Variants in GPHN observed in about 807,000 individuals in gnomAD.
The protein encoded by GPHN is gephyrin.
In GPHN, 17 loss-of-function variants were observed where a neutral mutation model predicts 95.5. The observed-to-expected ratio is 0.18, with a 90% CI of 0.12 to 0.27. The LOEUF is 0.27. Among genes scored for constraint, GPHN ranks in the 10% least tolerant of loss-of-function variants. The pLI, the probability that GPHN is intolerant of heterozygous loss-of-function variation, is 1.00. For synonymous variants in GPHN, 320 were observed against 322.5 expected, an observed-to-expected ratio of 0.99 and a Z score of 0.08; for missense variants, 660 against 978.1, an observed-to-expected ratio of 0.67 and a Z score of 4.34.
chr14:67,619,975 A>G, the GPHN span: 1 of 1,587,936 alleles, frequency 6.3e-7, no homozygotes, highest in South Asian at 1.1e-5. Flanking sequence ...AGTGCTGCGG[A>G]TCATGTCCCT....
At chr14:66,600,515 C>T (rs531211486) in intron 1 of GPHN, among the ~76,000 whole-genome samples, 57 of 151,988 alleles carry the variant, frequency 3.8e-4, no homozygotes, top group Non-Finnish European at 7.4e-4. Flanking sequence ...CCTATCAATA[C>T]GTAACTTTTA....
chr14:66,808,808 A>C (rs1238858177), intron 3 of GPHN, among the ~76,000 whole-genome samples: 1 of 152,206 alleles, frequency 6.6e-6, no homozygotes, highest in Non-Finnish European at 1.5e-5. Context: ...AAAAATATGT[A>C]TATATTTTAG....
chr14:67,654,230 A>G, the GPHN span, among the ~76,000 whole-genome samples: 4 of 152,184 alleles, frequency 2.6e-5, no homozygotes, highest in Non-Finnish European at 4.4e-5. Flanking sequence ...CATGTCCCCA[A>G]GTAGCTGGGA....
the GPHN span, chr14:67,581,169 A>G: frequency 1.6e-6 from 1 of 639,516 alleles, no homozygotes; most frequent in Non-Finnish European, 2.8e-6. Flanking sequence ...CCTGGCAGTC[A>G]CTAGCTGGGG....
chr14:66,777,331 G>A (rs1286775411), intron 3 of GPHN, among the ~76,000 whole-genome samples: 1 of 152,238 alleles, frequency 6.6e-6, no homozygotes, highest in African/African-American at 2.4e-5. Context: ...GCAATAATCA[G>A]TAGCCTACCA....
At chr14:67,303,991 C>T in the GPHN span, 8 of 166,600 alleles carry the variant, frequency 4.8e-5, no homozygotes, top group East Asian at 1.7e-4. Flanking sequence ...TGATCTTGAA[C>T]GCCTGGCTTC....
intron 3 of GPHN, among the ~76,000 whole-genome samples, chr14:66,822,784 A>T (rs572243028): frequency 9.9e-5 from 15 of 152,162 alleles, no homozygotes; most frequent in Non-Finnish European, 1.8e-4. Context: ...TATTTTGTTG[A>T]TGCAACTTGG....
intron 12 of GPHN, among the ~76,000 whole-genome samples, chr14:67,096,258 A>G (rs564045192): frequency 5.4e-4 from 82 of 152,276 alleles, no homozygotes; most frequent in African/African-American, 1.9e-3. Flanking sequence ...CAATTGGTAT[A>G]CTTTCCCTGA....
intron 3 of GPHN, among the ~76,000 whole-genome samples, chr14:66,790,752 C>G (rs996826826): frequency 2.6e-5 from 4 of 152,200 alleles, no homozygotes; most frequent in African/African-American, 9.6e-5. Context: ...AGAGAAAGTC[C>G]CACCCATTGC....
intron 1 of GPHN, among the ~76,000 whole-genome samples, chr14:66,620,859 C>A (rs375180796): frequency 1.2e-3 from 181 of 152,270 alleles, no homozygotes; most frequent in African/African-American, 4.0e-3. Flanking sequence ...TTCCTAGATA[C>A]AATGGAGGTA....
chr14:66,922,275 T>TG (rs2066263429), intron 6 of GPHN, among the ~76,000 whole-genome samples: 1 of 151,492 alleles, frequency 6.6e-6, no homozygotes, highest in Admixed American at 6.6e-5. Flanking sequence ...GTGTATGTTT[T>TG]TTTTTTTTTT....
chr14:67,149,566 C>T (rs1472382535), intron 18 of GPHN, among the ~76,000 whole-genome samples: 1 of 151,780 alleles, frequency 6.6e-6, no homozygotes, highest in Admixed American at 6.6e-5. Flanking sequence ...AGAATCGGGC[C>T]TTAAGAAAAA....
the GPHN span, chr14:67,380,892 T>TA: frequency 2.1e-6 from 1 of 468,990 alleles, no homozygotes; most frequent in Non-Finnish European, 3.7e-6. Flanking sequence ...GGTTGTTTTT[T>TA]ATAACAAAAG....
At chr14:67,590,413 C>CGGCTAATTTTTTGTATTTTT in the GPHN span, among the ~76,000 whole-genome samples, 1 of 152,108 alleles carries the variant, frequency 6.6e-6, no homozygotes, top group Non-Finnish European at 1.5e-5. Context: ...CCACCACGCC[C>CGGCTAATTTTTTGTATTTTT]AGTGGCACAA....
chr14:67,316,239 C>T, the GPHN span, among the ~76,000 whole-genome samples: 1 of 152,094 alleles, frequency 6.6e-6, no homozygotes, highest in African/African-American at 2.4e-5. Context: ...ACCTTGAAAG[C>T]CTCCTATATT....
intron 9 of GPHN, among the ~76,000 whole-genome samples, chr14:67,022,569 GTGT>G (rs1218598808): frequency 1.6e-4 from 4 of 25,664 alleles, no homozygotes; most frequent in African/African-American, 8.2e-4. Context: ...TTTTTTTTTG[GTGT>G]GTGTGTGTGT....
chr14:66,738,593 T>C (rs1410824798), intron 2 of GPHN, among the ~76,000 whole-genome samples: 1 of 152,192 alleles, frequency 6.6e-6, no homozygotes, highest in East Asian at 1.9e-4. Context: ...AACATTATGT[T>C]ACTGTCATTT....
intron 1 of GPHN, among the ~76,000 whole-genome samples, chr14:66,562,593 C>A (rs73279790): frequency 6.6e-6 from 1 of 152,046 alleles, no homozygotes; most frequent in Non-Finnish European, 1.5e-5. Flanking sequence ...TTTGGGCTTA[C>A]GTATCCTTTT....
At chr14:67,208,155 T>C in the GPHN span, 13 of 1,606,138 alleles carry the variant, frequency 8.1e-6, no homozygotes, top group Non-Finnish European at 1.1e-5. Context: ...ACCTATTACC[T>C]GATGCTCTTC....
Sources: gnomAD v4.1 joint callset for allele counts (sites outside exome capture counted in the v4.1 genomes callset) on GRCh38, gnomAD v4.1.1 for gene constraint, MANE v1.5 for transcripts, NCBI Gene and HGNC (gene_info 2026-07-23, HGNC 2026-07-21) for gene names.